The following NRXN3 variants were observed in gnomAD, a reference collection of about 807,000 sequenced individuals.
NRXN3 encodes the protein neurexin 3, also known as neurexin III.
A neutral mutation model predicts 137.6 loss-of-function variants in NRXN3; 32 were observed. The observed-to-expected ratio is 0.23, with a 90% CI of 0.18 to 0.31. The LOEUF is 0.31. Among genes scored for constraint, NRXN3 ranks in the 10% least tolerant of loss-of-function variants. The pLI is 1.00. For synonymous variants in NRXN3, 798 were observed against 784.5 expected, an observed-to-expected ratio of 1.02 and a Z score of -0.29; for missense variants, 1,574 against 2,062.5, an observed-to-expected ratio of 0.76 and a Z score of 4.59.
At chr14:79,241,987 A>G (rs2074377564) in intron 15 of NRXN3, among the ~76,000 whole-genome samples, 2 of 152,036 alleles carry the variant, frequency 1.3e-5, no homozygotes, top group Non-Finnish European at 1.5e-5. Context: ...GAATCACTTG[A>G]ACCCAGGAGG....
At chr14:78,711,434 CTTTTTTT>C (rs35251417) in intron 7 of NRXN3, among the ~76,000 whole-genome samples, 11 of 99,032 alleles carry the variant, frequency 1.1e-4, no homozygotes, top group East Asian at 2.7e-4. Context: ...ATTCTTTTCT[CTTTTTTT>C]TTTTTTTTTT....
intron 19 of NRXN3, among the ~76,000 whole-genome samples, chr14:79,779,322 AGGCT>A (rs1366159225): frequency 6.6e-6 from 1 of 152,132 alleles, no homozygotes; most frequent in East Asian, 1.9e-4. Context: ...CATGTTGGTC[AGGCT>A]GGTCTCGAAC....
chr14:78,648,575 C>G (rs537554544), intron 5 of NRXN3, among the ~76,000 whole-genome samples: 5 of 152,178 alleles, frequency 3.3e-5, no homozygotes, highest in African/African-American at 1.2e-4. Flanking sequence ...AACTGTTTCT[C>G]TCTGGTTGCA....
At chr14:78,252,034 C>A (rs140725616) in intron 2 of NRXN3, among the ~76,000 whole-genome samples, 15 of 152,168 alleles carry the variant, frequency 9.9e-5, no homozygotes, top group African/African-American at 2.9e-4. Flanking sequence ...AAATTGATGT[C>A]TTTGAGTGAT....
At chr14:79,368,841 C>A (rs1225823748) in intron 15 of NRXN3, among the ~76,000 whole-genome samples, 1 of 152,122 alleles carries the variant, frequency 6.6e-6, no homozygotes, top group Non-Finnish European at 1.5e-5. Context: ...ATTTAATCCC[C>A]ATTAGTGAAT....
At chr14:79,709,018 T>G (rs1405316968) in intron 19 of NRXN3, among the ~76,000 whole-genome samples, 1 of 151,952 alleles carries the variant, frequency 6.6e-6, no homozygotes, top group African/African-American at 2.4e-5. Flanking sequence ...AGAGGGAGGA[T>G]GCTCGTGTTT....
At chr14:79,195,453 C>G (rs929681175) in intron 15 of NRXN3, among the ~76,000 whole-genome samples, 2 of 152,200 alleles carry the variant, frequency 1.3e-5, no homozygotes, top group African/African-American at 4.8e-5. Context: ...TACATGTAGG[C>G]ATACTTTTAC....
rs181140535 is a variant in NRXN3, at chr14:78,515,074, C to T, written c.758-130046C>T. Reference sequence around the variant, plus strand: ...GTCTAAGCCACAGTGCTTATTAACACCTCTCCAGGTGATTCTAACAGTTAG... The same window carrying T: ...GTCTAAGCCACAGTGCTTATTAACATCTCTCCAGGTGATTCTAACAGTTAG... On this transcript the variant is annotated intron_variant, in intron 4 of 20. Transcript: ENST00000335750. Among the ~76,000 whole-genome samples, 459 of 152,228 alleles carry T rather than the reference C, an allele frequency of 3.0e-3. 3 individuals carry two copies. Among genetic ancestry groups the T allele is most frequent in the African/African-American group, 0.011 (446 of 41,544 alleles).
chr14:78,387,882 GTGCCAGAGC>G (rs1055416015), intron 4 of NRXN3, among the ~76,000 whole-genome samples: 20 of 152,192 alleles, frequency 1.3e-4, no homozygotes, highest in Non-Finnish European at 2.5e-4. Flanking sequence ...TGTCATGGAT[GTGCCAGAGC>G]TGCATTCTTG....
At chr14:79,147,151 C>T (rs1300910577) in intron 15 of NRXN3, among the ~76,000 whole-genome samples, 1 of 152,116 alleles carries the variant, frequency 6.6e-6, no homozygotes, top group East Asian at 1.9e-4. Context: ...TTTTCTGTTT[C>T]CCAGTCAAAG....
intron 4 of NRXN3, among the ~76,000 whole-genome samples, chr14:78,350,370 A>G (rs2083322930): frequency 6.6e-6 from 1 of 152,034 alleles, no homozygotes; most frequent in African/African-American, 2.4e-5. Context: ...GATGACCAGG[A>G]AAGATTGCTG....
At chr14:79,632,525 C>T (rs1051496399) in intron 16 of NRXN3, 2 of 83,680 alleles carry the variant, frequency 2.4e-5, no homozygotes, top group African/African-American at 1.3e-4. Flanking sequence ...AAGGGGATTC[C>T]TAATCAGGAA....
chr14:78,767,752 A>G (rs1214532411), intron 8 of NRXN3, among the ~76,000 whole-genome samples: 1 of 152,194 alleles, frequency 6.6e-6, no homozygotes, highest in African/African-American at 2.4e-5. Flanking sequence ...CACACTAGAC[A>G]GAAGCTAACA....
chr14:79,673,143 G>C (rs1468956289), intron 17 of NRXN3, among the ~76,000 whole-genome samples: 1 of 152,100 alleles, frequency 6.6e-6, no homozygotes, highest in Non-Finnish European at 1.5e-5. Context: ...AGAGGGGAAA[G>C]GGGGTCAGAA....
At chr14:79,471,531 T>G (rs2096507851) in intron 16 of NRXN3, among the ~76,000 whole-genome samples, 1 of 152,246 alleles carries the variant, frequency 6.6e-6, no homozygotes, top group Non-Finnish European at 1.5e-5. Flanking sequence ...CTTAAGCTCA[T>G]GTTGCACTGC....
At chr14:79,423,652 G>T (rs1797870518) in intron 15 of NRXN3, among the ~76,000 whole-genome samples, 1 of 152,158 alleles carries the variant, frequency 6.6e-6, no homozygotes. Flanking sequence ...GAATAGCAGG[G>T]TGAAAGCGTC....
intron 4 of NRXN3, among the ~76,000 whole-genome samples, chr14:78,605,642 A>T (rs1335599006): frequency 1.3e-5 from 2 of 152,100 alleles, no homozygotes; most frequent in African/African-American, 4.8e-5. Context: ...TCAAATCTTT[A>T]CTCATTTTAC....
chr14:79,592,502 C>T (rs1044758714), intron 16 of NRXN3, among the ~76,000 whole-genome samples: 1 of 152,098 alleles, frequency 6.6e-6, no homozygotes, highest in Non-Finnish European at 1.5e-5. Context: ...TACTAAGTTA[C>T]ACATTCAATA....
At chr14:78,709,942 G>C (rs1320100751) in intron 7 of NRXN3, 1 of 400,050 alleles carries the variant, frequency 2.5e-6, no homozygotes. Flanking sequence ...ACTGCTACCA[G>C]AGCAACTCTC....
Sources: allele counts gnomAD v4.1 joint callset (sites outside exome capture counted in the v4.1 genomes callset), GRCh38; gene constraint gnomAD v4.1.1; transcripts MANE v1.5; gene names NCBI Gene and HGNC (gene_info 2026-07-23, HGNC 2026-07-21).